Variants in SHANK2 observed in about 807,000 individuals in gnomAD.
SHANK2 encodes the protein SH3 and multiple ankyrin repeat domains 2, also known as SH3 and multiple ankyrin repeat domains protein 2.
Under a neutral mutation model 133.7 loss-of-function variants are expected in SHANK2, and 43 were observed. The observed-to-expected ratio is 0.32, with a 90% CI of 0.25 to 0.41. SHANK2 has a LOEUF of 0.41. Ranked by LOEUF, SHANK2 falls within the 10% of genes least tolerant of loss-of-function variation. The probability of loss-of-function intolerance (pLI) is 1.00; values close to 1 mark genes in which losing one functional copy is unlikely to be tolerated. For missense variants in SHANK2, 1,994 were observed against 2,235.8 expected, an observed-to-expected ratio of 0.89 and a Z score of 2.18; for synonymous variants, 1,017 against 952.8, an observed-to-expected ratio of 1.07 and a Z score of -1.24.
At chr11:70,761,779 G>T (rs1947002558) in intron 14 of SHANK2, among the ~76,000 whole-genome samples, 1 of 152,252 alleles carries the variant, frequency 6.6e-6, no homozygotes, top group African/African-American at 2.4e-5. Flanking sequence ...TGAGTGGCAA[G>T]ATCTTCACGA....
intron 10 of SHANK2, among the ~76,000 whole-genome samples, chr11:70,949,334 G>C (rs1950799930): frequency 6.6e-6 from 1 of 152,178 alleles, no homozygotes; most frequent in African/African-American, 2.4e-5. Flanking sequence ...CCCAGGCCTG[G>C]CATGCTGCCC....
intron 11 of SHANK2, chr11:70,864,732 G>T (rs1555068661): frequency 6.6e-6 from 1 of 152,202 alleles, no homozygotes; most frequent in Non-Finnish European, 1.5e-5. Flanking sequence ...CCTTATAAAA[G>T]GGACCCCCAG....
chr11:70,821,575 G>A (rs1051266265), intron 11 of SHANK2, among the ~76,000 whole-genome samples: 13 of 152,182 alleles, frequency 8.5e-5, no homozygotes, highest in South Asian at 6.2e-4. Flanking sequence ...ACAGGTGCCC[G>A]CCACCACGCC....
chr11:70,847,073 G>A (rs1214614086), intron 11 of SHANK2, among the ~76,000 whole-genome samples: 1 of 152,194 alleles, frequency 6.6e-6, no homozygotes, highest in African/African-American at 2.4e-5. Flanking sequence ...GAGAGGTGGA[G>A]GCCCCCATCA....
chr11:70,754,045 C>T (rs1328163530), intron 14 of SHANK2, among the ~76,000 whole-genome samples: 1 of 152,176 alleles, frequency 6.6e-6, no homozygotes, highest in Non-Finnish European at 1.5e-5. Flanking sequence ...CTCCTGACCT[C>T]AAGTGATCCA....
chr11:70,740,255 G>A lies in SHANK2; in HGVS notation c.1778-41492C>T, dbSNP rs1783614. ...GAAAGACTGAAAGGGCTTCTCTGCC[G>A]CTGCAGCCCACATCTGTATGAATGA... On this transcript the variant is annotated intron_variant, in intron 14 of 25. Transcript: ENST00000601538. 2.1e-4 allele frequency among the ~76,000 whole-genome samples: 32 copies of A among 152,086 alleles called. 1 individual carries two copies. The highest frequency in any genetic ancestry group is 2.0e-3 in the Admixed American group (31 of 15,276).
rs1555075713 is a variant in SHANK2 at position 70,896,498 on chromosome 11, C to T, written c.1174+3G>A. The T allele has an allele frequency of 2.8e-6, 2 of 717,208 alleles. No individual in the cohort carries two copies. Among genetic ancestry groups the T allele is most frequent in the Admixed American group, 2.0e-5 (1 of 49,858 alleles). 44.4% of individuals were successfully genotyped at this position (717,208 alleles called of 1,614,324 possible). A position where few individuals can be genotyped will look rare whatever the true frequency, so the allele number is the denominator to read the frequency against. ...AACACAGTTTCTCCACGTGCCTACT[C>T]ACCAATGTCTGTTTCCTTGTGGTTC... On this transcript the variant is annotated splice_donor_region_variant and intron_variant, in intron 11 of 25. Transcript: ENST00000601538.
intron 17 of SHANK2, among the ~76,000 whole-genome samples, chr11:70,540,661 T>C (rs1243949493): frequency 6.6e-6 from 1 of 151,970 alleles, no homozygotes; most frequent in Non-Finnish European, 1.5e-5. Flanking sequence ...GTAAAATCCA[T>C]ATAACATAAA....
Position 71,210,210 on chromosome 11 carries a change from GTATATATATATA to G in SHANK2, c.-13+14475_-13+14486del, listed in dbSNP as rs71049962. Among the ~76,000 whole-genome samples, 372 of 54,050 alleles carry G rather than the reference GTATATATATATA, an allele frequency of 6.9e-3. 10 individuals carry two copies. The highest frequency in any genetic ancestry group is 8.8e-3 in the Non-Finnish European group (272 of 30,992). 35.5% of individuals were successfully genotyped at this position (54,050 alleles called of 152,430 possible). On this transcript the variant is annotated intron_variant, in intron 2 of 25. Coordinates refer to ENST00000601538, the MANE Select transcript of SHANK2 (RefSeq NM_012309.5). ...GGTCCTCTTCATTGGAAATCCACAG[GTATATATATATA>G]TATATATATATATATATATATATAT...
intron 17 of SHANK2, among the ~76,000 whole-genome samples, chr11:70,506,217 G>T (rs2059135506): frequency 6.6e-6 from 1 of 152,176 alleles, no homozygotes; most frequent in African/African-American, 2.4e-5. Flanking sequence ...CGTTCTGGTG[G>T]CACCTCCACA....
intron 21 of SHANK2, among the ~76,000 whole-genome samples, chr11:70,494,774 A>T (rs1174721121): frequency 1.3e-5 from 2 of 152,182 alleles, no homozygotes; most frequent in African/African-American, 4.8e-5. Flanking sequence ...ACGCAAAGCA[A>T]GAAAGCCCTT....
chr11:70,768,051 T>G (rs1224175009), intron 14 of SHANK2, among the ~76,000 whole-genome samples: 1 of 152,068 alleles, frequency 6.6e-6, no homozygotes, highest in Non-Finnish European at 1.5e-5. Context: ...AGCTGGCCAC[T>G]TTCTAGCTGG....
rs542740091 is a variant in SHANK2 at position 70,595,009 on chromosome 11, G to C, written c.2061+64819C>G. Among the ~76,000 whole-genome samples the C allele has an allele frequency of 2.1e-4, 32 of 152,290 alleles. No individual in the cohort carries two copies. In the South Asian group the frequency reaches 2.3e-3, roughly 11 times the overall value. ...CGGGAGCCGGGAGCCGGGTCTCTCTGAGCCCATTTCCTGGCAGGCTTCACA... is the reference window on the plus strand; with the variant it reads ...CGGGAGCCGGGAGCCGGGTCTCTCTCAGCCCATTTCCTGGCAGGCTTCACA... On this transcript the variant is annotated intron_variant, in intron 17 of 25. Transcript: ENST00000601538.
rs548643835 is a variant in SHANK2, at chr11:71,159,137, G to A, written c.-12-11799C>T. Among the ~76,000 whole-genome samples the A allele has an allele frequency of 5.3e-5, 8 of 152,348 alleles. No individual in the cohort carries two copies. In the South Asian group the frequency reaches 1.7e-3, roughly 32 times the overall value. ...AGCAATGTACTCTCATCACGCTGAG[G>A]TCAGAAGTCCTAAATGAGTTTATGG... On this transcript the variant is annotated intron_variant, in intron 2 of 25. Coordinates refer to ENST00000601538, the MANE Select transcript of SHANK2 (RefSeq NM_012309.5).
rs189499566 is a variant in SHANK2 at position 71,145,902 on chromosome 11, C to T, written c.207+1218G>A. ...GCCCACCTCTCCCCATTCCTTTAAC[C>T]CAAAGCTAAAATGAGAAGGGTCCTC... On this transcript the variant is annotated intron_variant, in intron 3 of 25. Coordinates refer to ENST00000601538, the MANE Select transcript of SHANK2 (RefSeq NM_012309.5). Among the ~76,000 whole-genome samples, 119 of 152,276 alleles carry T rather than the reference C, an allele frequency of 7.8e-4. 1 individual carries two copies. Among genetic ancestry groups the T allele is most frequent in the African/African-American group, 2.6e-3 (107 of 41,558 alleles).
chr11:70,863,439 G>A (rs1442180415), intron 11 of SHANK2: 1 of 457,730 alleles, frequency 2.2e-6, no homozygotes, highest in South Asian at 1.5e-5. Context: ...TGGGACGCCT[G>A]TGAACTCCTG....
At chr11:70,614,678 C>T (rs1337563632) in intron 17 of SHANK2, among the ~76,000 whole-genome samples, 2 of 152,236 alleles carry the variant, frequency 1.3e-5, no homozygotes, top group Non-Finnish European at 2.9e-5. Flanking sequence ...CTTCCTTCAT[C>T]CCATCCTCCA....
intron 3 of SHANK2, among the ~76,000 whole-genome samples, chr11:71,138,611 G>A (rs1331160904): frequency 6.6e-6 from 1 of 151,808 alleles, no homozygotes; most frequent in Non-Finnish European, 1.5e-5. Flanking sequence ...GAGCCCAGGA[G>A]TTCGAAACCT....
intron 1 of SHANK2, among the ~76,000 whole-genome samples, chr11:71,233,803 T>C (rs1349063556): frequency 1.3e-5 from 2 of 152,036 alleles, no homozygotes; most frequent in Non-Finnish European, 2.9e-5. Context: ...ATCCCAGCAC[T>C]TTGGGAGGCT....
Sources: gnomAD v4.1 joint callset for allele counts (sites outside exome capture counted in the v4.1 genomes callset) on GRCh38, gnomAD v4.1.1 for gene constraint, MANE v1.5 for transcripts, NCBI Gene and HGNC (gene_info 2026-07-23, HGNC 2026-07-21) for gene names.